Variants in SIRPD observed in about 807,000 individuals in gnomAD.
SIRPD encodes signal-regulatory protein delta.
In SIRPD, 21 loss-of-function variants were observed where a neutral mutation model predicts 18.0. The ratio of observed to expected loss-of-function variants is 1.17; its 90% CI spans 0.83 to 1.68. SIRPD has a LOEUF of 1.68. Ranked by LOEUF, SIRPD falls within the 40% of genes most tolerant of loss-of-function variation. The probability of loss-of-function intolerance (pLI) is 0.00; values close to 1 mark genes in which losing one functional copy is unlikely to be tolerated. For missense variants in SIRPD, 295 were observed against 238.4 expected, an observed-to-expected ratio of 1.24 and a Z score of -1.56; for synonymous variants, 106 against 92.9, an observed-to-expected ratio of 1.14 and a Z score of -0.81.
intron 2 of SIRPD, among the ~76,000 whole-genome samples, chr20:1,539,072 G>T (rs962209049): frequency 1.3e-5 from 2 of 152,152 alleles, no homozygotes; most frequent in African/African-American, 2.4e-5. Context: ...TGTAATGGAT[G>T]CTTTCATTAC....
chr20:1,545,758 C>T (rs759714266), intron 2 of SIRPD, among the ~76,000 whole-genome samples: 30 of 152,162 alleles, frequency 2.0e-4, no homozygotes, highest in Non-Finnish European at 3.2e-4. Flanking sequence ...ATGGATTTAT[C>T]TACCTTGATC....
chr20:1,555,001 T>C (rs552568152), intron 1 of SIRPD, among the ~76,000 whole-genome samples: 1 of 152,304 alleles, frequency 6.6e-6, no homozygotes, highest in Non-Finnish European at 1.5e-5. Context: ...ATACACAAAA[T>C]GTCTACAAGA....
chr20:1,550,915 G>C (rs1274090122), intron 2 of SIRPD, among the ~76,000 whole-genome samples: 2 of 152,188 alleles, frequency 1.3e-5, no homozygotes, highest in East Asian at 3.8e-4. Flanking sequence ...TAATTTCTCA[G>C]GCTGGATATT....
intron 2 of SIRPD, among the ~76,000 whole-genome samples, chr20:1,539,830 G>C (rs936699105): frequency 6.6e-6 from 1 of 152,198 alleles, no homozygotes; most frequent in Admixed American, 6.5e-5. Context: ...CCAGTTGCCC[G>C]CAAGGATCTG....
At chr20:1,550,917 C>T (rs376090732) in intron 2 of SIRPD, among the ~76,000 whole-genome samples, 1 of 152,200 alleles carries the variant, frequency 6.6e-6, no homozygotes, top group African/African-American at 2.4e-5. Context: ...ATTTCTCAGG[C>T]TGGATATTGC....
chr20:1,538,256 G>T (rs570027815), intron 2 of SIRPD, among the ~76,000 whole-genome samples: 49 of 152,248 alleles, frequency 3.2e-4, no homozygotes, highest in African/African-American at 1.2e-3. Context: ...AATGAAAGGG[G>T]CCAATCAGCG....
chr20:1,538,272 A>T (rs1394814080), intron 2 of SIRPD, among the ~76,000 whole-genome samples: 1 of 152,150 alleles, frequency 6.6e-6, no homozygotes, highest in African/African-American at 2.4e-5. Flanking sequence ...CAGCGATGAG[A>T]TTTGATTGCT....
intron 2 of SIRPD, among the ~76,000 whole-genome samples, chr20:1,549,318 C>A (rs1384168577): frequency 6.6e-6 from 1 of 150,486 alleles, no homozygotes; most frequent in East Asian, 1.9e-4. Context: ...ACACCAAATG[C>A]TTTGCCTGTT....
At chr20:1,553,871 A>C (rs1268382613) in intron 1 of SIRPD, 1 of 152,568 alleles carries the variant, frequency 6.6e-6, no homozygotes, top group Non-Finnish European at 1.5e-5. Context: ...TGTAGTGATG[A>C]TTTGGTACAT....
At chr20:1,552,827 T>C (rs1158098822) in intron 1 of SIRPD, among the ~76,000 whole-genome samples, 3 of 151,974 alleles carry the variant, frequency 2.0e-5, no homozygotes, top group African/African-American at 2.4e-5. Flanking sequence ...CAGGAGGTAA[T>C]GGTAGGAAGG....
chr20:1,543,592 T>C (rs2090981339), intron 2 of SIRPD, among the ~76,000 whole-genome samples: 1 of 152,220 alleles, frequency 6.6e-6, no homozygotes, highest in South Asian at 2.1e-4. Flanking sequence ...CACTGATTTT[T>C]TGAAGGGTGT....
intron 1 of SIRPD, among the ~76,000 whole-genome samples, chr20:1,556,954 G>A (rs1171610891): frequency 6.6e-6 from 1 of 152,190 alleles, no homozygotes; most frequent in African/African-American, 2.4e-5. Context: ...ACAGAAAGAA[G>A]TGTAAAATCT....
rs1388317823 is a variant in SIRPD, at chr20:1,551,922, A to C, written c.190T>G (p.Trp64Gly). 1 of 1,614,074 alleles carries C rather than the reference A, an allele frequency of 6.2e-7. No individual in the cohort carries two copies. Among genetic ancestry groups the C allele is most frequent in the South Asian group, 1.1e-5 (1 of 91,076 alleles). ...PNTLPNGPVL[W>G]FKGTGPNRKL... ...CGGTTTGGCCCTGTTCCCTTGAACC[A>C]CAAGACAGGTCCATTTGGTAAGGTA... Residue 64 changes from tryptophan (W) to glycine (G), a missense_variant, in exon 2 of 4, where the codon TGG (tryptophan) becomes GGG (glycine). Transcript: ENST00000381623.
At chr20:1,547,568 T>C (rs1205685595) in intron 2 of SIRPD, among the ~76,000 whole-genome samples, 2 of 152,226 alleles carry the variant, frequency 1.3e-5, no homozygotes, top group African/African-American at 2.4e-5. Flanking sequence ...GTAGTAAGTT[T>C]TGAAAGAAAA....
intron 2 of SIRPD, 83 bp from the exon 3 acceptor site, chr20:1,537,393 C>T (rs926996651): frequency 7.3e-5 from 104 of 1,421,222 alleles, no homozygotes; most frequent in Middle Eastern, 1.8e-4. Context: ...GGATTATGAC[C>T]GTTCCAGTTT....
intron 2 of SIRPD, among the ~76,000 whole-genome samples, chr20:1,543,560 T>A (rs577540916): frequency 1.3e-5 from 2 of 152,164 alleles, no homozygotes; most frequent in Admixed American, 6.5e-5. Context: ...GTTAATGTTT[T>A]AAAAAAAACA....
In SIRPD at chr20:1,534,266, TAGAC is replaced by T; in HGVS notation, c.*155_*158del. 1.0e-6 allele frequency: 1 copy of T among 979,528 alleles called. No homozygotes were observed. Among genetic ancestry groups the T allele is most frequent in the Non-Finnish European group, 1.5e-6 (1 of 650,278 alleles). The allele number at this position is 979,528 out of a possible 1,614,324, so 60.7% of individuals were successfully genotyped here. A position where few individuals can be genotyped will look rare whatever the true frequency, so the allele number is the denominator to read the frequency against. On this transcript the variant is annotated 3_prime_UTR_variant, in exon 4 of 4. Transcript: ENST00000381623. ...GAACCTGGAATTGGACCCAGGTAAA[TAGAC>T]AGATTTATTGTACGATCAAGCTGGC... is the stretch of plus-strand genomic sequence containing the variant.
intron 2 of SIRPD, among the ~76,000 whole-genome samples, chr20:1,548,297 G>T (rs1231401958): frequency 1.3e-5 from 2 of 151,878 alleles, no homozygotes; most frequent in African/African-American, 4.8e-5. Flanking sequence ...CTAGTTTTTT[G>T]AGTACCTTTT....
chr20:1,540,222 G>A, intron 2 of SIRPD: 2 of 443,292 alleles, frequency 4.5e-6, no homozygotes, highest in South Asian at 3.2e-5. Flanking sequence ...GAAGCCAAAA[G>A]AGAAAGGGAA....
Sources: gnomAD v4.1 joint callset for allele counts (sites outside exome capture counted in the v4.1 genomes callset) on GRCh38, gnomAD v4.1.1 for gene constraint, MANE v1.5 for transcripts, NCBI Gene and HGNC (gene_info 2026-07-23, HGNC 2026-07-21) for gene names.